The following ROBO2 variants were observed in gnomAD, a reference collection of about 807,000 sequenced individuals.
The protein encoded by ROBO2 is roundabout homolog 2.
Under a neutral mutation model 160.8 loss-of-function variants are expected in ROBO2, and 53 were observed. The ratio of observed to expected loss-of-function variants is 0.33; its 90% CI spans 0.26 to 0.41. ROBO2 has a LOEUF of 0.41. Ranked by LOEUF, ROBO2 falls within the 10% of genes least tolerant of loss-of-function variation. The probability of loss-of-function intolerance (pLI) is 1.00; values close to 1 mark genes in which losing one functional copy is unlikely to be tolerated. For missense variants in ROBO2, 1,577 were observed against 1,722.4 expected (o/e 0.92, Z 1.49); for synonymous variants, 664 against 611.7 (o/e 1.09, Z -1.26).
chr3:77,055,531 C>T (rs565370021), intron 1 of ROBO2, among the ~76,000 whole-genome samples: 1 of 152,278 alleles, frequency 6.6e-6, no homozygotes, highest in South Asian at 2.1e-4. Context: ...TCTAACACGT[C>T]ATCCTGTCAC....
intron 1 of ROBO2, among the ~76,000 whole-genome samples, chr3:77,069,287 T>G (rs2067168043): frequency 6.6e-6 from 1 of 152,162 alleles, no homozygotes; most frequent in African/African-American, 2.4e-5. Flanking sequence ...TGAATGTGTT[T>G]AAGACAAATA....
intron 2 of ROBO2, among the ~76,000 whole-genome samples, chr3:76,373,191 G>A (rs2076186679): frequency 6.6e-6 from 1 of 151,920 alleles, no homozygotes; most frequent in Non-Finnish European, 1.5e-5. Flanking sequence ...TGTACTTTTT[G>A]TAATACTAGA....
Position 77,207,527 on chromosome 3 carries a change from A to G in ROBO2, c.388+109187A>G, listed in dbSNP as rs917821199. 3.0e-4 allele frequency among the ~76,000 whole-genome samples: 46 copies of G among 152,348 alleles called. 1 individual carries two copies. Among genetic ancestry groups the G allele is most frequent in the African/African-American group, 9.9e-4 (41 of 41,590 alleles). Reference sequence around the variant, plus strand: ...TTAGCCATCATTTTATCTTTAAAATATGCATAGGAATGTACATAAGTGGAG... The same window carrying G: ...TTAGCCATCATTTTATCTTTAAAATGTGCATAGGAATGTACATAAGTGGAG... On this transcript the variant is annotated intron_variant, in intron 2 of 25. Transcript: ENST00000461745.
chr3:76,083,135 A>T (rs2068888949), intron 2 of ROBO2, among the ~76,000 whole-genome samples: 1 of 152,102 alleles, frequency 6.6e-6, no homozygotes, highest in Admixed American at 6.6e-5. Context: ...TCAGTATCAG[A>T]GGTGTTGAAC....
At chr3:76,428,051 G>A (rs909424051) in intron 2 of ROBO2, among the ~76,000 whole-genome samples, 1 of 152,170 alleles carries the variant, frequency 6.6e-6, no homozygotes, top group African/African-American at 2.4e-5. Context: ...TTAATGCTGT[G>A]AAATGGATGA....
At chr3:77,177,872 T>C (rs2080309697) in intron 2 of ROBO2, among the ~76,000 whole-genome samples, 1 of 152,044 alleles carries the variant, frequency 6.6e-6, no homozygotes, top group African/African-American at 2.4e-5. Flanking sequence ...TTTATAATTA[T>C]GTACGTATAT....
chr3:77,490,090 T>A (rs201472692), intron 4 of ROBO2, among the ~76,000 whole-genome samples: 2 of 151,746 alleles, frequency 1.3e-5, no homozygotes, highest in East Asian at 3.9e-4. Context: ...GCATGACTTT[T>A]GTATTTTACT....
chr3:76,655,741 G>GAAA (rs2091487104), intron 2 of ROBO2, among the ~76,000 whole-genome samples: 1 of 147,928 alleles, frequency 6.8e-6, no homozygotes, highest in African/African-American at 2.5e-5. Flanking sequence ...AGGGAGGGAG[G>GAAA]GAGGAAAGAA....
intron 22 of ROBO2, 68 bp from the exon 24 acceptor site, chr3:77,622,159 A>G: frequency 7.1e-7 from 1 of 1,411,600 alleles, no homozygotes; most frequent in Middle Eastern, 2.1e-4. Context: ...CATGCATTTA[A>G]TTAAAATTAT....
intron 2 of ROBO2, among the ~76,000 whole-genome samples, chr3:76,455,534 A>C (rs1485424848): frequency 6.6e-6 from 1 of 150,628 alleles, no homozygotes; most frequent in African/African-American, 2.5e-5. Flanking sequence ...GCAATTTAAA[A>C]ATTAATTATC....
At chr3:76,460,837 G>C (rs1025294639) in intron 2 of ROBO2, among the ~76,000 whole-genome samples, 8 of 152,156 alleles carry the variant, frequency 5.3e-5, no homozygotes, top group African/African-American at 1.9e-4. Flanking sequence ...AATAATCTGT[G>C]ATGCAGCTGT....
At chr3:77,564,719 C>T in intron 11 of ROBO2, 1 of 601,068 alleles carries the variant, frequency 1.7e-6, no homozygotes, top group Non-Finnish European at 3.0e-6. Flanking sequence ...TGTCACATCT[C>T]CTGGGCTGAG....
chr3:76,152,432 G>C (rs1439245570), intron 2 of ROBO2, among the ~76,000 whole-genome samples: 1 of 152,110 alleles, frequency 6.6e-6, no homozygotes, highest in African/African-American at 2.4e-5. Flanking sequence ...TGGAATATTT[G>C]ATATGAACTA....
chr3:76,614,477 G>A (rs1220134411), intron 2 of ROBO2, among the ~76,000 whole-genome samples: 5 of 151,928 alleles, frequency 3.3e-5, no homozygotes, highest in Admixed American at 6.6e-5. Flanking sequence ...GCACTACATA[G>A]AAGACAAACC....
At chr3:77,078,307 A>T (rs887775118) in intron 1 of ROBO2, among the ~76,000 whole-genome samples, 1 of 152,224 alleles carries the variant, frequency 6.6e-6, no homozygotes, top group Non-Finnish European at 1.5e-5. Context: ...TTTAGTTGAC[A>T]CATGTTTTCC....
intron 1 of ROBO2, among the ~76,000 whole-genome samples, chr3:77,045,518 C>T (rs1008075841): frequency 8.5e-5 from 13 of 152,184 alleles, no homozygotes; most frequent in African/African-American, 1.2e-4. Context: ...GACTACTTGA[C>T]GTCTTTGCTT....
chr3:76,815,520 G>A (rs2065591303), intron 2 of ROBO2, among the ~76,000 whole-genome samples: 1 of 151,794 alleles, frequency 6.6e-6, no homozygotes. Context: ...GCGTAGGAGT[G>A]TTGTGTTTTC....
chr3:76,176,124 A>G (rs190061064), intron 2 of ROBO2, among the ~76,000 whole-genome samples: 4 of 152,162 alleles, frequency 2.6e-5, no homozygotes, highest in Admixed American at 1.3e-4. Flanking sequence ...TTTGTGTTAT[A>G]CATTATTTTA....
intron 2 of ROBO2, among the ~76,000 whole-genome samples, chr3:76,361,221 G>A (rs1413077780): frequency 6.6e-6 from 1 of 152,040 alleles, no homozygotes; most frequent in Non-Finnish European, 1.5e-5. Flanking sequence ...GCAAGCAAGG[G>A]TAGCTTGGTC....
Sources: allele counts gnomAD v4.1 joint callset (sites outside exome capture counted in the v4.1 genomes callset), GRCh38; gene constraint gnomAD v4.1.1; transcripts MANE v1.5; gene names NCBI Gene and HGNC (gene_info 2026-07-23, HGNC 2026-07-21).